HELQ: variants seen among roughly 807,000 people sequenced by gnomAD.
HELQ encodes the protein helicase, POLQ like.
HELQ carries 77 observed loss-of-function variants against 111.6 expected under a neutral mutation model. The ratio of observed to expected loss-of-function variants is 0.69; its 90% confidence interval spans 0.57 to 0.83. The LOEUF (loss-of-function observed/expected upper bound fraction) is 0.83. Among genes scored for constraint, HELQ ranks in the 40% least tolerant of loss-of-function variants. HELQ has a pLI of 0.00. For synonymous variants in HELQ, 438 were observed against 454.7 expected, an observed-to-expected ratio of 0.96 and a Z score of 0.47; for missense variants, 1,200 against 1,288.5, an observed-to-expected ratio of 0.93 and a Z score of 1.05.
intron 9 of HELQ, among the ~76,000 whole-genome samples, chr4:83,432,681 ATATC>A (rs1720220047): frequency 6.6e-6 from 1 of 152,152 alleles, no homozygotes; most frequent in South Asian, 2.1e-4. Flanking sequence ...TAACATATAC[ATATC>A]TATTTATGAA....
At chr4:83,444,718 T>C (rs981374226) in intron 5 of HELQ, among the ~76,000 whole-genome samples, 1 of 152,118 alleles carries the variant, frequency 6.6e-6, no homozygotes, top group African/African-American at 2.4e-5. Context: ...GAAAGAGGAA[T>C]AAGTGGGAGT....
chr4:83,430,476 T>G (rs1056838714), intron 11 of HELQ, among the ~76,000 whole-genome samples: 1 of 152,276 alleles, frequency 6.6e-6, no homozygotes, highest in South Asian at 2.1e-4. Flanking sequence ...ACAATGGCAA[T>G]CATAAGGAAT....
intron 17 of HELQ, among the ~76,000 whole-genome samples, chr4:83,415,862 G>A (rs1739326060): frequency 6.6e-6 from 1 of 151,952 alleles, no homozygotes; most frequent in Non-Finnish European, 1.5e-5. Flanking sequence ...GGCCAGGCTG[G>A]TCTCAAATTC....
intron 11 of HELQ, among the ~76,000 whole-genome samples, chr4:83,430,726 C>T (rs536770421): frequency 6.6e-6 from 1 of 152,204 alleles, no homozygotes; most frequent in African/African-American, 2.4e-5. Flanking sequence ...ATTGCTTCTT[C>T]CCACTTTAAT....
intron 9 of HELQ, among the ~76,000 whole-genome samples, chr4:83,433,377 T>C (rs894520749): frequency 4.0e-5 from 6 of 151,676 alleles, no homozygotes; most frequent in African/African-American, 1.5e-4. Context: ...AATATAAGAG[T>C]AGACTATTGG....
rs200947053 is a variant in HELQ, at chr4:83,419,082, CCCA to C, written c.2950-879_2950-877del. Among the ~76,000 whole-genome samples, 1,282 of 152,016 alleles carry C rather than the reference CCCA, an allele frequency of 8.4e-3. 20 individuals carry two copies. Among genetic ancestry groups the C allele is most frequent in the African/African-American group, 0.029 (1,217 of 41,462 alleles). On this transcript the variant is annotated intron_variant, in intron 15 of 17. Transcript: ENST00000295488. ...TAAAACAAGCTTGTCCAACCTGTGG[CCCA>C]CAGGCCACATGCGGCCCAGGATGGC...
chr4:83,427,963 C>T (rs147848793), intron 12 of HELQ, among the ~76,000 whole-genome samples: 12 of 152,084 alleles, frequency 7.9e-5, no homozygotes, highest in African/African-American at 2.9e-4. Flanking sequence ...ATATGTACCC[C>T]AAAATACATA....
In HELQ at chr4:83,407,539, CTGCTTT is replaced by C. The variant is rs1738858868; in HGVS notation, c.3214_3219del (p.Lys1072_Ala1073del). On this transcript the variant is annotated inframe_deletion, in exon 18 of 18. Coordinates refer to ENST00000295488, the MANE Select transcript of HELQ (RefSeq NM_133636.5). ...TCTTCTACCTCTTCTTGCAGGGCTTCTGCTTTTTCATGCAACAGCATCTACATTAAA... is the reference window on the plus strand; with the variant it reads ...TCTTCTACCTCTTCTTGCAGGGCTTCTTCATGCAACAGCATCTACATTAAA... 1.2e-6 allele frequency: 2 copies of C among 1,611,540 alleles called. No individual in the cohort carries two copies.
chr4:83,427,478 A>T, intron 13 of HELQ, 85 bp downstream of exon 13: 1 of 1,141,096 alleles, frequency 8.8e-7, no homozygotes, highest in Non-Finnish European at 1.2e-6. Context: ...AACATGGCAA[A>T]GCCTCATCTC....
At chr4:83,428,420 G>C (rs1227295443) in intron 12 of HELQ, among the ~76,000 whole-genome samples, 1 of 151,968 alleles carries the variant, frequency 6.6e-6, no homozygotes, top group Non-Finnish European at 1.5e-5. Flanking sequence ...AATTAGTCAG[G>C]CATGGTGACA....
chr4:83,417,361 C>A (rs748002780), intron 16 of HELQ, among the ~76,000 whole-genome samples: 5 of 152,218 alleles, frequency 3.3e-5, no homozygotes, highest in Middle Eastern at 3.4e-3. Flanking sequence ...CGACACCATA[C>A]TTGGCTAATT....
In HELQ at chr4:83,421,651, G is replaced by A. The variant is rs765702327; in HGVS notation, c.2861C>T (p.Ser954Phe). Reference sequence around the variant, plus strand: ...TCCTCGAGGCATATTAAATTTTTCAGATACAGTCCAAATGTTGGTCTCTTT... The same window carrying A: ...TCCTCGAGGCATATTAAATTTTTCAAATACAGTCCAAATGTTGGTCTCTTT... ...LLKETNIWTV[S>F]EKFNMPRGYI... The change falls in exon 15 of 18, where the codon TCT (serine) becomes TTT (phenylalanine). Residue 954 changes from serine (S) to phenylalanine (F), a missense_variant. This residue lies in a region of HELQ where 585 missense variants were observed against 665.3 expected (regional missense o/e 0.88). Transcript: ENST00000295488. 6.2e-7 allele frequency: 1 copy of A among 1,613,250 alleles called. No individual in the cohort carries two copies. The highest frequency in any genetic ancestry group is 1.1e-5 in the South Asian group (1 of 91,072).
rs1220519298 is a variant in HELQ, at chr4:83,453,301, A to G, written c.942T>C (p.Gly314=). Residue 314 remains glycine (G), a synonymous_variant, in exon 2 of 18, where the codon GGT becomes GGC. Coordinates refer to ENST00000295488, the MANE Select transcript of HELQ (RefSeq NM_133636.5). Reference sequence around the variant, plus strand: ...CTTTGCTGGGTAATGAATAAAAAGGACCAAGGTCATTTGATGATGACTCAA... The same window carrying G: ...CTTTGCTGGGTAATGAATAAAAAGGGCCAAGGTCATTTGATGATGACTCAA... ...KTVESSSNDL[G]PFYSLPSKVR... The G allele has an allele frequency of 6.2e-7, 1 of 1,613,978 alleles. No individual in the cohort carries two copies. The highest frequency in any genetic ancestry group is 2.2e-5 in the East Asian group (1 of 44,868).
chr4:83,440,038 T>C lies in HELQ; in HGVS notation c.1663-30A>G, dbSNP rs376944338. 1.3e-5 allele frequency: 21 copies of C among 1,581,266 alleles called. No individual in the cohort carries two copies. In the Admixed American group the frequency reaches 3.5e-4, roughly 27 times the overall value. Reference sequence around the variant, plus strand: ...AAAACAACAAGATGTAGGAACAAAGTGGTTAGTAAACATGAAACCCTGTCA... The same window carrying C: ...AAAACAACAAGATGTAGGAACAAAGCGGTTAGTAAACATGAAACCCTGTCA... On this transcript the variant is annotated intron_variant, in intron 7 of 17. Coordinates refer to ENST00000295488, the MANE Select transcript of HELQ (RefSeq NM_133636.5).
intron 4 of HELQ, among the ~76,000 whole-genome samples, chr4:83,446,316 T>A (rs1272450206): frequency 2.2e-5 from 1 of 46,198 alleles, no homozygotes; most frequent in African/African-American, 5.1e-5. Flanking sequence ...CTAAAAAAAT[T>A]TTTTTTTTAA....
At chr4:83,414,419 A>T (rs1466291118) in intron 17 of HELQ, among the ~76,000 whole-genome samples, 1 of 152,310 alleles carries the variant, frequency 6.6e-6, no homozygotes, top group South Asian at 2.1e-4. Context: ...TGAATTCTTT[A>T]AAGTTCTGTT....
chr4:83,438,538 C>T (rs780790913), intron 8 of HELQ, among the ~76,000 whole-genome samples: 3 of 151,804 alleles, frequency 2.0e-5, no homozygotes, highest in African/African-American at 4.8e-5. Flanking sequence ...CTCAGGAGTT[C>T]GAAACCAGCC....
intron 17 of HELQ, among the ~76,000 whole-genome samples, chr4:83,414,347 G>A (rs1185280993): frequency 2.6e-5 from 4 of 152,254 alleles, no homozygotes; most frequent in Middle Eastern, 6.8e-3. Flanking sequence ...AATGAAGTCC[G>A]GATCCCATCC....
chr4:83,421,778 T>C (rs753006716), intron 14 of HELQ, 42 bp from the exon 15 acceptor site: 2 of 1,462,406 alleles, frequency 1.4e-6, no homozygotes, highest in Non-Finnish European at 1.9e-6. Context: ...CTAGACCTGC[T>C]AAAAATGTAT....
Sources: gnomAD v4.1 joint callset for allele counts (sites outside exome capture counted in the v4.1 genomes callset) on GRCh38, gnomAD v4.1.1 for gene constraint, gnomAD v4.1.1 regional missense constraint, MANE v1.5 for transcripts, NCBI Gene and HGNC (gene_info 2026-07-23, HGNC 2026-07-21) for gene names.